Variants in KCNB2 observed in about 807,000 individuals in gnomAD.
KCNB2 encodes the protein delayed rectifier potassium channel protein.
Under a neutral mutation model 61.5 loss-of-function variants are expected in KCNB2, and 15 were observed. That is an observed-to-expected ratio of 0.24 (90% CI 0.16 to 0.38). The LOEUF is 0.38. Ranked by LOEUF, KCNB2 falls within the 10% of genes least tolerant of loss-of-function variation. KCNB2 has a pLI of 1.00. For synonymous variants in KCNB2, 457 were observed against 446.0 expected (o/e 1.02, Z -0.31); for missense variants, 828 against 1,125.2 (o/e 0.74, Z 3.78).
chr8:72,741,234 C>G (rs920417148), intron 2 of KCNB2, among the ~76,000 whole-genome samples: 1 of 152,120 alleles, frequency 6.6e-6, no homozygotes, highest in Non-Finnish European at 1.5e-5. Flanking sequence ...GGCTTGTGAA[C>G]TACCTGCAGT....
intron 2 of KCNB2, among the ~76,000 whole-genome samples, chr8:72,590,843 A>G (rs1033179316): frequency 1.3e-5 from 2 of 152,176 alleles, no homozygotes; most frequent in African/African-American, 4.8e-5. Flanking sequence ...GTAGCTCCTT[A>G]CGTACTCCAG....
At chr8:72,776,915 G>A (rs1347349846) in intron 2 of KCNB2, among the ~76,000 whole-genome samples, 1 of 152,068 alleles carries the variant, frequency 6.6e-6, no homozygotes, top group African/African-American at 2.4e-5. Context: ...TGACTTTTGA[G>A]GTTCCTTCCA....
chr8:72,783,356 AG>A (rs1221277175), intron 2 of KCNB2, among the ~76,000 whole-genome samples: 4 of 152,124 alleles, frequency 2.6e-5, no homozygotes, highest in Admixed American at 2.6e-4. Context: ...GACTGACCTC[AG>A]GTTCCCTCTC....
chr8:72,932,856 TACAATAAG>T (rs1008446958), intron 2 of KCNB2, among the ~76,000 whole-genome samples: 2 of 152,166 alleles, frequency 1.3e-5, no homozygotes, highest in African/African-American at 4.8e-5. Flanking sequence ...AAAAAAACTC[TACAATAAG>T]ACAATAAACT....
intron 2 of KCNB2, among the ~76,000 whole-genome samples, chr8:72,834,950 T>C (rs769638346): frequency 6.6e-6 from 1 of 152,184 alleles, no homozygotes; most frequent in Non-Finnish European, 1.5e-5. Context: ...GTGCTAATGA[T>C]TGGAAAACCA....
chr8:72,762,264 CT>C (rs1808394847), intron 2 of KCNB2, among the ~76,000 whole-genome samples: 1 of 152,196 alleles, frequency 6.6e-6, no homozygotes, highest in Non-Finnish European at 1.5e-5. Context: ...GAGGCTATAG[CT>C]TTAACATTTT....
At chr8:72,562,957 A>T (rs1394716541) in intron 1 of KCNB2, among the ~76,000 whole-genome samples, 3 of 152,250 alleles carry the variant, frequency 2.0e-5, no homozygotes, top group Admixed American at 6.5e-5. Flanking sequence ...AGTAAAATTA[A>T]TATGGCAGAA....
At chr8:72,837,562 T>C (rs1809802183) in intron 2 of KCNB2, among the ~76,000 whole-genome samples, 1 of 152,214 alleles carries the variant, frequency 6.6e-6, no homozygotes, top group Admixed American at 6.5e-5. Context: ...GCAAAAGCTA[T>C]TAATTACATA....
At chr8:72,804,417 T>A (rs1157848575) in intron 2 of KCNB2, among the ~76,000 whole-genome samples, 1 of 152,118 alleles carries the variant, frequency 6.6e-6, no homozygotes, top group African/African-American at 2.4e-5. Context: ...CTGCTAATGG[T>A]CATTTGGAAA....
chr8:72,798,493 A>G (rs1364682399), intron 2 of KCNB2, among the ~76,000 whole-genome samples: 1 of 152,090 alleles, frequency 6.6e-6, no homozygotes, highest in Non-Finnish European at 1.5e-5. Flanking sequence ...TTCTACTTCT[A>G]CCTTCTGCCC....
intron 2 of KCNB2, among the ~76,000 whole-genome samples, chr8:72,729,598 G>A (rs1807707592): frequency 6.6e-6 from 1 of 152,128 alleles, no homozygotes; most frequent in African/African-American, 2.4e-5. Flanking sequence ...GAATATTTGG[G>A]TCTTGCCGGG....
At chr8:72,831,837 G>T (rs567927143) in intron 2 of KCNB2, among the ~76,000 whole-genome samples, 14 of 152,330 alleles carry the variant, frequency 9.2e-5, no homozygotes, top group African/African-American at 3.4e-4. Flanking sequence ...TGAGGTATTT[G>T]AAGAGACTAT....
intron 2 of KCNB2, among the ~76,000 whole-genome samples, chr8:72,604,020 GCCTCCA>G (rs1356708917): frequency 1.3e-4 from 20 of 152,224 alleles, no homozygotes; most frequent in African/African-American, 4.6e-4. Context: ...TGGACTTCTA[GCCTCCA>G]GAACTGTGAG....
intron 2 of KCNB2, among the ~76,000 whole-genome samples, chr8:72,892,371 G>C (rs1027214087): frequency 6.6e-6 from 1 of 152,046 alleles, no homozygotes; most frequent in Non-Finnish European, 1.5e-5. Context: ...CTTCCAGTTG[G>C]GCCACTACCC....
intron 2 of KCNB2, among the ~76,000 whole-genome samples, chr8:72,758,308 C>G (rs529645846): frequency 6.6e-6 from 1 of 152,280 alleles, no homozygotes; most frequent in South Asian, 2.1e-4. Flanking sequence ...GTTATTGTCT[C>G]CATTTGCACT....
intron 2 of KCNB2, among the ~76,000 whole-genome samples, chr8:72,725,414 T>C (rs1360752879): frequency 6.6e-6 from 1 of 151,110 alleles, no homozygotes; most frequent in African/African-American, 2.4e-5. Context: ...AAAACTGAAC[T>C]AACACTTAGG....
intron 2 of KCNB2, among the ~76,000 whole-genome samples, chr8:72,895,773 A>C (rs768387713): frequency 1.6e-4 from 24 of 152,166 alleles, no homozygotes; most frequent in Non-Finnish European, 3.4e-4. Context: ...AGAGGGTAAG[A>C]CAAAACAAAA....
intron 1 of KCNB2, 119 bp from the exon 2 acceptor site, chr8:72,567,523 C>T (rs560081429): frequency 2.0e-5 from 10 of 488,642 alleles, no homozygotes; most frequent in Admixed American, 3.7e-5. Flanking sequence ...AATATTGTAC[C>T]TTCTGGTTGT....
intron 2 of KCNB2, among the ~76,000 whole-genome samples, chr8:72,773,520 G>T (rs1808597152): frequency 6.6e-6 from 1 of 152,142 alleles, no homozygotes; most frequent in Non-Finnish European, 1.5e-5. Context: ...ACATTAGGCT[G>T]GCTCCAGAAT....
Sources: gnomAD v4.1 joint callset for allele counts (sites outside exome capture counted in the v4.1 genomes callset) on GRCh38, gnomAD v4.1.1 for gene constraint, MANE v1.5 for transcripts, NCBI Gene and HGNC (gene_info 2026-07-23, HGNC 2026-07-21) for gene names.